The following DIP2A variants were observed in gnomAD, a reference collection of about 807,000 sequenced individuals.
The protein encoded by DIP2A is DIP2 acetate--CoA ligase A, also known as disco-interacting protein 2 homolog A.
A neutral mutation model predicts 177.4 loss-of-function variants in DIP2A; 85 were observed. The ratio of observed to expected loss-of-function variants is 0.48; its 90% CI spans 0.40 to 0.57. The LOEUF (loss-of-function observed/expected upper bound fraction) is 0.57, where lower values mean the gene tolerates loss of function less well. Ranked by LOEUF, DIP2A falls within the 20% of genes least tolerant of loss-of-function variation. DIP2A has a pLI of 0.00. For synonymous variants in DIP2A, 886 were observed against 881.8 expected, an observed-to-expected ratio of 1.00 and a Z score of -0.08; for missense variants, 1,791 against 2,100.2, an observed-to-expected ratio of 0.85 and a Z score of 2.88.
chr21:46,546,821 C>A, intron 20 of DIP2A, 94 bp from the exon 21 acceptor site: 2 of 1,444,558 alleles, frequency 1.4e-6, no homozygotes, highest in Non-Finnish European at 1.9e-6. Flanking sequence ...GGCTCCTGTG[C>A]TGTTGGCCCC....
chr21:46,550,621 G>A lies in DIP2A; in HGVS notation c.2716G>A (p.Gly906Arg), dbSNP rs746553255. The A allele has an allele frequency of 9.3e-6, 15 of 1,613,852 alleles. No individual in the cohort carries two copies. The highest frequency in any genetic ancestry group is 8.9e-5 in the East Asian group (4 of 44,870). The part of the protein sequence containing the change: ...PANTLPKAPL[G>R]GIHISETKQR... ...CAACACCTTGCCCAAGGCTCCTCTC[G>A]GAGGGATTCACATTTCTGAAACCAA... Residue 906 changes from glycine (G) to arginine (R), a missense_variant, in exon 23 of 38, where the codon GGA becomes AGA. By Grantham distance (125) the Gly-to-Arg change is moderately radical. Coordinates refer to ENST00000417564, the MANE Select transcript of DIP2A (RefSeq NM_015151.4).
chr21:46,549,676 T>G, intron 21 of DIP2A, 95 bp from the exon 22 acceptor site: 1 of 1,559,582 alleles, frequency 6.4e-7, no homozygotes, highest in Non-Finnish European at 8.7e-7. Context: ...TTTTAAATAC[T>G]AGGACAGTCT....
chr21:46,495,510 C>T (rs896029630), intron 3 of DIP2A, among the ~76,000 whole-genome samples: 3 of 152,072 alleles, frequency 2.0e-5, no homozygotes, highest in Middle Eastern at 3.4e-3. Flanking sequence ...TCAGGGGATC[C>T]GCTCACCTCG....
intron 2 of DIP2A, among the ~76,000 whole-genome samples, chr21:46,487,751 G>A (rs2056777250): frequency 6.6e-6 from 1 of 152,116 alleles, no homozygotes; most frequent in African/African-American, 2.4e-5. Flanking sequence ...TAATGCATTT[G>A]GTAAGAAAGA....
chr21:46,554,077 T>G, intron 25 of DIP2A, 92 bp from the exon 26 acceptor site: 5 of 1,471,878 alleles, frequency 3.4e-6, no homozygotes, highest in Non-Finnish European at 4.6e-6. Context: ...AGGTGTCGTG[T>G]GCAGTGGCGT....
chr21:46,572,925 A>G (rs1365195742), downstream of DIP2A, among the ~76,000 whole-genome samples: 8 of 152,204 alleles, frequency 5.3e-5, no homozygotes, highest in Non-Finnish European at 1.2e-4. Flanking sequence ...GTACAGTTAC[A>G]TGGTGGACAG....
At chr21:46,541,059 A>G (rs963442707) in intron 17 of DIP2A, among the ~76,000 whole-genome samples, 9 of 151,920 alleles carry the variant, frequency 5.9e-5, no homozygotes, top group African/African-American at 2.2e-4. Context: ...ATCACTTAAC[A>G]TTAAAAAAAC....
chr21:46,485,736 C>G (rs2056637936), intron 2 of DIP2A, among the ~76,000 whole-genome samples: 1 of 151,878 alleles, frequency 6.6e-6, no homozygotes, highest in Admixed American at 6.6e-5. Flanking sequence ...ATTGCAAAGA[C>G]AAACTACAGA....
At chr21:46,538,452 C>G (rs1002243840) in intron 15 of DIP2A, 31 bp from the exon 16 acceptor site, 3 of 1,538,372 alleles carry the variant, frequency 2.0e-6, no homozygotes, top group Non-Finnish European at 2.6e-6. Flanking sequence ...CCTTGTGACG[C>G]AGGGATGTCT....
chr21:46,528,568 T>TTTTTTTTA (rs1569043246), intron 8 of DIP2A, among the ~76,000 whole-genome samples: 24 of 90,636 alleles, frequency 2.6e-4, no homozygotes, highest in East Asian at 1.4e-3. Context: ...TTTTTTTTTT[T>TTTTTTTTA]AGATAATGTC....
chr21:46,509,874 T>A (rs1386452574), intron 7 of DIP2A, among the ~76,000 whole-genome samples: 1 of 152,080 alleles, frequency 6.6e-6, no homozygotes, highest in South Asian at 2.1e-4. Context: ...AGGGGCCCCA[T>A]GCTGGTCCTA....
At chr21:46,571,390 G>A (rs1208317695), downstream of DIP2A, among the ~76,000 whole-genome samples, 1 of 152,052 alleles carries the variant, frequency 6.6e-6, no homozygotes, top group Admixed American at 6.6e-5. Context: ...GAAGGTAGTG[G>A]GCCAATATAT....
chr21:46,581,831 C>T, the DIP2A span, among the ~76,000 whole-genome samples: 1 of 152,184 alleles, frequency 6.6e-6, no homozygotes, highest in Admixed American at 6.5e-5. Context: ...GGAGCTCAAT[C>T]TCAGAGGGAC....
rs1308190399 is a variant in DIP2A at position 46,568,594 on chromosome 21, G to A, written c.*972G>A. On this transcript the variant is annotated 3_prime_UTR_variant, in exon 38 of 38. Coordinates refer to ENST00000417564, the MANE Select transcript of DIP2A (RefSeq NM_015151.4). Reference sequence around the variant, plus strand: ...CACTCAATAAGTGCCATTTTGGACTGTCAAATTTAGATGCTTTGTTTCAGA... The same window carrying A: ...CACTCAATAAGTGCCATTTTGGACTATCAAATTTAGATGCTTTGTTTCAGA... 1 of 152,230 alleles carries A rather than the reference G, an allele frequency of 6.6e-6. No individual in the cohort carries two copies. Among genetic ancestry groups the A allele is most frequent in the African/African-American group, 2.4e-5 (1 of 41,466 alleles). The allele number at this position is 152,230 out of a possible 1,614,324, so 9.4% of individuals were successfully genotyped here. A position where few individuals can be genotyped will look rare whatever the true frequency, so the allele number is the denominator to read the frequency against.
At chr21:46,536,202 G>C (rs2059562334) in intron 13 of DIP2A, among the ~76,000 whole-genome samples, 1 of 152,248 alleles carries the variant, frequency 6.6e-6, no homozygotes, top group Non-Finnish European at 1.5e-5. Flanking sequence ...AACCTCTCCT[G>C]TTTGCCTTTG....
intron 10 of DIP2A, among the ~76,000 whole-genome samples, chr21:46,532,538 A>G (rs2059396845): frequency 6.6e-6 from 1 of 152,032 alleles, no homozygotes; most frequent in African/African-American, 2.4e-5. Flanking sequence ...AATGATAGCC[A>G]TTTTTTCCTC....
intron 1 of DIP2A, among the ~76,000 whole-genome samples, chr21:46,462,158 C>T (rs1034077463): frequency 1.3e-5 from 2 of 152,198 alleles, no homozygotes; most frequent in Non-Finnish European, 2.9e-5. Flanking sequence ...ACTGGCCTGA[C>T]ACTTTTCTTT....
chr21:46,490,419 A>G lies in DIP2A; in HGVS notation c.164-181A>G, dbSNP rs527879309. 5.3e-4 allele frequency among the ~76,000 whole-genome samples: 80 copies of G among 152,298 alleles called. 1 individual carries two copies. Among genetic ancestry groups the G allele is most frequent in the Admixed American group, 1.1e-3 (17 of 15,284 alleles). ...CTGGGTGATGTGGGGAGAGGAGAGC[A>G]CGGAAGTGGATGTTGCCCTTAACCC... On this transcript the variant is annotated intron_variant, in intron 2 of 37. Coordinates refer to ENST00000417564, the MANE Select transcript of DIP2A (RefSeq NM_015151.4).
At position 46,534,003 on chromosome 21, in the gene DIP2A, G is replaced by A; in HGVS notation, c.1430-1G>A. The A allele has an allele frequency of 1.9e-6, 3 of 1,612,410 alleles. No homozygotes were observed. The highest frequency in any genetic ancestry group is 2.5e-6 in the Non-Finnish European group (3 of 1,179,142). On this transcript the variant is annotated splice_acceptor_variant, in intron 11 of 37. Coordinates refer to ENST00000417564, the MANE Select transcript of DIP2A (RefSeq NM_015151.4). LOFTEE classifies it high-confidence loss of function. ...TTCTGTGTCCTGTCTGTGTGTCACA[G>A]GTTGGCCCCCGCTCTCCTGGCTAGT...
Sources: allele counts gnomAD v4.1 joint callset (sites outside exome capture counted in the v4.1 genomes callset), GRCh38; gene constraint gnomAD v4.1.1; transcripts MANE v1.5; gene names NCBI Gene and HGNC (gene_info 2026-07-23, HGNC 2026-07-21).